QRICH1: variants seen among roughly 807,000 people sequenced by gnomAD.
QRICH1 encodes glutamine rich 1, also known as transcriptional regulator QRICH1.
Under a neutral mutation model 87.1 loss-of-function variants are expected in QRICH1, and 16 were observed. The ratio of observed to expected loss-of-function variants is 0.18; its 90% CI spans 0.12 to 0.28. QRICH1 has a LOEUF of 0.28. QRICH1 is among the 10% of genes least tolerant of loss of function. The probability of loss-of-function intolerance (pLI) is 1.00; values close to 1 mark genes in which losing one functional copy is unlikely to be tolerated. For missense variants in QRICH1, 647 were observed against 951.7 expected, an observed-to-expected ratio of 0.68 and a Z score of 4.21; for synonymous variants, 367 against 368.4, an observed-to-expected ratio of 1.00 and a Z score of 0.05.
chr3:49,079,219 G>A (rs1252011111), intron 1 of QRICH1, among the ~76,000 whole-genome samples: 2 of 151,774 alleles, frequency 1.3e-5, no homozygotes, highest in Non-Finnish European at 2.9e-5. Flanking sequence ...AGGCGACAGA[G>A]CGTAACTCTG....
intron 1 of QRICH1, among the ~76,000 whole-genome samples, chr3:49,079,213 G>A (rs1021808879): frequency 4.0e-5 from 6 of 151,802 alleles, no homozygotes; most frequent in African/African-American, 9.7e-5. Context: ...CAGCCTAGGC[G>A]ACAGAGCGTA....
chr3:49,064,706 CA>C (rs924977434), intron 2 of QRICH1, among the ~76,000 whole-genome samples: 3 of 151,642 alleles, frequency 2.0e-5, no homozygotes, highest in East Asian at 1.9e-4. Context: ...TATACTAAAA[CA>C]AAAAAAATTA....
chr3:49,057,952 G>T lies in QRICH1; in HGVS notation c.310-62C>A, dbSNP rs371544757. 6.2e-7 allele frequency: 1 copy of T among 1,612,184 alleles called. No individual in the cohort carries two copies. The highest frequency in any genetic ancestry group is 1.7e-5 in the Admixed American group (1 of 59,818). ...CAGCACTGAAAATCCAGTACCCAAGGAAAGAAAGAAAAGAGATCCCAGACA... is the reference window on the plus strand; with the variant it reads ...CAGCACTGAAAATCCAGTACCCAAGTAAAGAAAGAAAAGAGATCCCAGACA... On this transcript the variant is annotated intron_variant, in intron 2 of 9. Transcript: ENST00000395443. This position sits in a 1 kb window ranked among gnomAD's most constrained non-coding sequence, Gnocchi z 5.4.
chr3:49,049,387 G>A (rs1355782549), intron 3 of QRICH1, among the ~76,000 whole-genome samples: 1 of 151,952 alleles, frequency 6.6e-6, no homozygotes, highest in African/African-American at 2.4e-5. Flanking sequence ...GGAGGTTACA[G>A]TGAGCTGAGA....
chr3:49,060,959 C>A (rs1322522551), intron 2 of QRICH1, among the ~76,000 whole-genome samples: 1 of 151,178 alleles, frequency 6.6e-6, no homozygotes, highest in Non-Finnish European at 1.5e-5. Context: ...GGTGAAACCC[C>A]ACCTCTACTT....
chr3:49,029,727 C>G lies in QRICH1; in HGVS notation c.*725G>C. ...TAACATGTTGAAAAGACGTGCTTGT[C>G]ATTCTTAATAAACAACTAGAGTAAG... On this transcript the variant is annotated 3_prime_UTR_variant, in exon 10 of 10. Coordinates refer to ENST00000395443, the MANE Select transcript of QRICH1 (RefSeq NM_198880.3). The G allele has an allele frequency of 2.9e-6, 1 of 345,962 alleles. No individual in the cohort carries two copies. Among genetic ancestry groups the G allele is most frequent in the Non-Finnish European group, 5.5e-6 (1 of 181,152 alleles). The allele number at this position is 345,962 out of a possible 1,614,324, so 21.4% of individuals were successfully genotyped here. A position where few individuals can be genotyped will look rare whatever the true frequency, so the allele number is the denominator to read the frequency against.
chr3:49,067,754 G>A (rs1009020815), intron 2 of QRICH1, among the ~76,000 whole-genome samples: 4 of 152,208 alleles, frequency 2.6e-5, no homozygotes, highest in Non-Finnish European at 4.4e-5. Context: ...GCCAAGGCAG[G>A]CGGATCACGA....
chr3:49,052,805 T>C (rs2093378943), intron 3 of QRICH1, among the ~76,000 whole-genome samples: 2 of 152,110 alleles, frequency 1.3e-5, no homozygotes, highest in African/African-American at 4.8e-5. Context: ...GCCTGGCCAA[T>C]TCTGCCACTT....
intron 2 of QRICH1, among the ~76,000 whole-genome samples, chr3:49,059,885 C>CTTT (rs560174243): frequency 2.1e-5 from 3 of 139,664 alleles, no homozygotes; most frequent in Non-Finnish European, 4.7e-5. Context: ...ATCCAGCTAA[C>CTTT]TTTTTTTTTT....
At chr3:49,042,696 C>A (rs967958403) in intron 6 of QRICH1, among the ~76,000 whole-genome samples, 25 of 152,024 alleles carry the variant, frequency 1.6e-4, no homozygotes, top group Non-Finnish European at 3.2e-4. Flanking sequence ...CCTCAGCCTC[C>A]CGTGTAGCTG....
intron 1 of QRICH1, among the ~76,000 whole-genome samples, chr3:49,079,984 G>A (rs932419448): frequency 1.3e-5 from 2 of 150,384 alleles, no homozygotes; most frequent in Admixed American, 6.7e-5. Context: ...AGCCGAGATC[G>A]TGCCACTGCG....
chr3:49,081,557 G>A (rs1230317253), intron 1 of QRICH1, among the ~76,000 whole-genome samples: 1 of 152,190 alleles, frequency 6.6e-6, no homozygotes, highest in Non-Finnish European at 1.5e-5. Context: ...ATGGAGTGCA[G>A]TGGTAAGATC....
chr3:49,051,133 T>C (rs1480025167), intron 3 of QRICH1, among the ~76,000 whole-genome samples: 1 of 152,182 alleles, frequency 6.6e-6, no homozygotes, highest in African/African-American at 2.4e-5. Flanking sequence ...CCAATCACTA[T>C]TCTGTCTACC....
At chr3:49,071,054 C>T (rs1285263081) in intron 2 of QRICH1, among the ~76,000 whole-genome samples, 1 of 126,422 alleles carries the variant, frequency 7.9e-6, no homozygotes, top group Non-Finnish European at 1.7e-5. Flanking sequence ...ACACTCCAAA[C>T]TTAAATCCCC....
chr3:49,093,460 G>A (rs2042318173), intron 1 of QRICH1: 1 of 151,986 alleles, frequency 6.6e-6, no homozygotes, highest in African/African-American at 2.4e-5. Context: ...CTGCTCAGCA[G>A]AAGCCTCCTG....
At chr3:49,078,003 G>GC (rs2106988078) in intron 1 of QRICH1, among the ~76,000 whole-genome samples, 1 of 152,308 alleles carries the variant, frequency 6.6e-6, no homozygotes, top group South Asian at 2.1e-4. Flanking sequence ...TCTGTGGACT[G>GC]CTGACCCCTG....
intron 1 of QRICH1, chr3:49,093,433 G>A (rs536929477): frequency 6.6e-6 from 1 of 152,214 alleles, no homozygotes; most frequent in East Asian, 2.0e-4. Flanking sequence ...CCAGCGCAAC[G>A]AGCCGCGGCC....
intron 1 of QRICH1, among the ~76,000 whole-genome samples, chr3:49,080,677 T>G (rs2042041330): frequency 6.6e-6 from 1 of 152,028 alleles, no homozygotes; most frequent in South Asian, 2.1e-4. Flanking sequence ...AAGCCTCACC[T>G]CAACTCTGAT....
intron 6 of QRICH1, among the ~76,000 whole-genome samples, chr3:49,038,434 A>G (rs2106832375): frequency 6.6e-6 from 1 of 151,254 alleles, no homozygotes; most frequent in South Asian, 2.1e-4. Flanking sequence ...TTTTTTTGAG[A>G]CTGAGTCTTG....
Sources: allele counts gnomAD v4.1 joint callset (sites outside exome capture counted in the v4.1 genomes callset), GRCh38; gene constraint gnomAD v4.1.1; non-coding constraint Gnocchi (gnomAD v3.1); transcripts MANE v1.5; gene names NCBI Gene and HGNC (gene_info 2026-07-23, HGNC 2026-07-21).